Variants in TBC1D1 observed in about 807,000 individuals in gnomAD.
The protein encoded by TBC1D1 is TBC1 (tre-2/USP6, BUB2, cdc16) domain family, member 1.
TBC1D1 carries 89 observed loss-of-function variants against 125.6 expected under a neutral mutation model. The observed-to-expected ratio is 0.71, with a 90% confidence interval of 0.60 to 0.85. The LOEUF is 0.85. Among genes scored for constraint, TBC1D1 ranks in the 40% least tolerant of loss-of-function variants. The pLI, the probability that TBC1D1 is intolerant of heterozygous loss-of-function variation, is 0.00. For missense variants in TBC1D1, 1,377 were observed against 1,469.2 expected (o/e 0.94, Z 1.03); for synonymous variants, 565 against 564.1 (o/e 1.00, Z -0.02).
intron 2 of TBC1D1, chr4:37,952,074 G>C: frequency 2.8e-6 from 2 of 717,484 alleles, no homozygotes; most frequent in Non-Finnish European, 5.2e-6. Flanking sequence ...GCCCTGCCTG[G>C]AAAGCAACAG....
In TBC1D1 at chr4:38,077,656, A is replaced by G. The variant is rs1048259859; in HGVS notation, c.2051-12276A>G. Among the ~76,000 whole-genome samples, 8 of 147,078 alleles carry G rather than the reference A, an allele frequency of 5.4e-5. No individual in the cohort carries two copies. In the East Asian group the frequency reaches 1.2e-3, roughly 22 times the overall value. Reference sequence around the variant, plus strand: ...TTTTTTTTTTTTTTTTTTGCCTTCAATGAATTTTGTCTGATTTTACATTAA... The same window carrying G: ...TTTTTTTTTTTTTTTTTTGCCTTCAGTGAATTTTGTCTGATTTTACATTAA... On this transcript the variant is annotated intron_variant, in intron 12 of 19. Coordinates refer to ENST00000261439, the MANE Select transcript of TBC1D1 (RefSeq NM_015173.4).
chr4:37,925,535 G>T (rs1035293954), intron 2 of TBC1D1, among the ~76,000 whole-genome samples: 3 of 152,028 alleles, frequency 2.0e-5, no homozygotes, highest in African/African-American at 7.3e-5. Flanking sequence ...GGCCAACATG[G>T]TGAAACCCTG....
intron 12 of TBC1D1, among the ~76,000 whole-genome samples, chr4:38,054,644 G>A (rs1751350196): frequency 6.6e-6 from 1 of 152,178 alleles, no homozygotes; most frequent in African/African-American, 2.4e-5. Context: ...TGCCTCCTAG[G>A]ACATAAGGCA....
chr4:37,976,094 C>T (rs1269660138), intron 2 of TBC1D1, among the ~76,000 whole-genome samples: 1 of 152,184 alleles, frequency 6.6e-6, no homozygotes, highest in East Asian at 1.9e-4. Flanking sequence ...TCATAAAACA[C>T]TGTTTTTGGA....
At chr4:38,062,250 TC>T (rs1344365520) in intron 12 of TBC1D1, among the ~76,000 whole-genome samples, 2 of 151,218 alleles carry the variant, frequency 1.3e-5, no homozygotes, top group East Asian at 3.9e-4. Flanking sequence ...TTCTTTCCAA[TC>T]CCGGAAAAGT....
At chr4:38,065,830 A>G (rs1000096991) in intron 12 of TBC1D1, among the ~76,000 whole-genome samples, 2 of 152,056 alleles carry the variant, frequency 1.3e-5, no homozygotes, top group Non-Finnish European at 2.9e-5. Flanking sequence ...TATCTTTTTT[A>G]GTAGAGACAG....
intron 11 of TBC1D1, chr4:38,053,216 A>G: frequency 6.6e-7 from 1 of 1,514,408 alleles, no homozygotes; most frequent in Non-Finnish European, 8.8e-7. Context: ...GATTTTATGA[A>G]CACAAAAAGG....
At chr4:38,062,496 T>C (rs1360859521) in intron 12 of TBC1D1, among the ~76,000 whole-genome samples, 2 of 152,184 alleles carry the variant, frequency 1.3e-5, no homozygotes, top group Admixed American at 6.5e-5. Context: ...TGTATAACTT[T>C]GCTTTTCTGT....
At chr4:37,922,835 A>G (rs1721298698) in intron 2 of TBC1D1, among the ~76,000 whole-genome samples, 1 of 152,190 alleles carries the variant, frequency 6.6e-6, no homozygotes, top group Non-Finnish European at 1.5e-5. Context: ...GATCCAAACC[A>G]GGCAAATCAG....
intron 1 of TBC1D1, among the ~76,000 whole-genome samples, chr4:37,897,944 G>A (rs1714999536): frequency 6.6e-6 from 1 of 152,160 alleles, no homozygotes; most frequent in African/African-American, 2.4e-5. Context: ...GTGCTTTAAA[G>A]GACAGTCAGG....
At chr4:37,898,570 C>T (rs532991001) in intron 1 of TBC1D1, among the ~76,000 whole-genome samples, 12 of 152,290 alleles carry the variant, frequency 7.9e-5, no homozygotes, top group Admixed American at 5.2e-4. Context: ...TAAGATATTC[C>T]GGCTCCCTAA....
chr4:37,966,498 C>G (rs56184655), intron 2 of TBC1D1, among the ~76,000 whole-genome samples: 15,719 of 152,222 alleles, frequency 0.1, 974 homozygotes, highest in African/African-American at 0.17. Flanking sequence ...TTTCTCAGCC[C>G]TTACATCTCC....
chr4:38,088,779 C>T (rs1222058091), intron 12 of TBC1D1, among the ~76,000 whole-genome samples: 1 of 152,130 alleles, frequency 6.6e-6, no homozygotes, highest in Non-Finnish European at 1.5e-5. Flanking sequence ...GTGGAAGCAT[C>T]AGGAGGTTAA....
intron 13 of TBC1D1, 116 bp downstream of exon 15, chr4:38,090,233 A>T: frequency 1.1e-6 from 1 of 933,610 alleles, no homozygotes; most frequent in African/African-American, 1.7e-5. Flanking sequence ...TCTAATGTAT[A>T]CATCTATCTA....
intron 12 of TBC1D1, among the ~76,000 whole-genome samples, chr4:38,084,264 C>T (rs1757098792): frequency 6.6e-6 from 1 of 152,186 alleles, no homozygotes; most frequent in Admixed American, 6.5e-5. Context: ...ATTCTGTTTT[C>T]CTCTAGCTAG....
chr4:38,084,868 T>G (rs1394223474), intron 12 of TBC1D1, among the ~76,000 whole-genome samples: 1 of 152,212 alleles, frequency 6.6e-6, no homozygotes, highest in Non-Finnish European at 1.5e-5. Flanking sequence ...GAGCTCCTCT[T>G]TCTTACAGGG....
At chr4:38,039,378 A>G (rs1747910759) in intron 8 of TBC1D1, among the ~76,000 whole-genome samples, 1 of 151,702 alleles carries the variant, frequency 6.6e-6, no homozygotes, top group Non-Finnish European at 1.5e-5. Context: ...CGGCCTTCCA[A>G]AGTGCTGGGA....
intron 2 of TBC1D1, among the ~76,000 whole-genome samples, chr4:37,964,201 A>C (rs1471922897): frequency 6.6e-6 from 1 of 152,234 alleles, no homozygotes; most frequent in Non-Finnish European, 1.5e-5. Context: ...CACATGGGCC[A>C]GGGTTGGATA....
chr4:38,105,280 C>T (rs1375722621), intron 15 of TBC1D1, among the ~76,000 whole-genome samples: 3 of 152,158 alleles, frequency 2.0e-5, no homozygotes, highest in African/African-American at 7.2e-5. Context: ...TGCAAAGGGA[C>T]TTAAACTCCT....
Sources: allele counts gnomAD v4.1 joint callset (sites outside exome capture counted in the v4.1 genomes callset), GRCh38; gene constraint gnomAD v4.1.1; transcripts MANE v1.5; gene names NCBI Gene and HGNC (gene_info 2026-07-23, HGNC 2026-07-21).